DPP6: variants seen among roughly 807,000 people sequenced by gnomAD.
The protein encoded by DPP6 is dipeptidyl peptidase like 6, also known as A-type potassium channel modulatory protein DPP6.
DPP6 carries 69 observed loss-of-function variants against 122.6 expected under a neutral mutation model. The ratio of observed to expected loss-of-function variants is 0.56; its 90% confidence interval spans 0.46 to 0.69. DPP6 has a LOEUF of 0.69. Ranked by LOEUF, DPP6 falls within the 30% of genes least tolerant of loss-of-function variation. The probability of loss-of-function intolerance (pLI) is 0.00; values close to 1 mark genes in which losing one functional copy is unlikely to be tolerated. For synonymous variants in DPP6, 418 were observed against 433.1 expected (o/e 0.97, Z 0.43); for missense variants, 928 against 1,116.9 (o/e 0.83, Z 2.41).
Position 154,187,452 on chromosome 7 carries a change from G to A in DPP6, c.243+134389G>A, listed in dbSNP as rs147598818. Among the ~76,000 whole-genome samples, 21 of 152,238 alleles carry A rather than the reference G, an allele frequency of 1.4e-4. No individual in the cohort carries two copies. The East Asian group carries it at 3.7e-3, about 27-fold the overall frequency. The stretch of plus-strand genomic sequence containing the variant: ...AGAAAAATCTGTAAATCTGGTTATT[G>A]GATACTGTATAAAGCCATTTAATTC... On this transcript the variant is annotated intron_variant, in intron 1 of 25. Transcript: ENST00000377770.
At chr7:154,090,924 T>G (rs1016052684) in intron 1 of DPP6, among the ~76,000 whole-genome samples, 1 of 148,664 alleles carries the variant, frequency 6.7e-6, no homozygotes, top group Non-Finnish European at 1.5e-5. Flanking sequence ...ATCGAGACCA[T>G]CCTGGCTAAC....
At chr7:154,295,700 A>G (rs1392264317) in intron 1 of DPP6, among the ~76,000 whole-genome samples, 1 of 151,878 alleles carries the variant, frequency 6.6e-6, no homozygotes, top group Admixed American at 6.6e-5. Context: ...ACATGATATT[A>G]TGTTTGATGG....
intron 1 of DPP6, among the ~76,000 whole-genome samples, chr7:154,133,824 C>T (rs1276026333): frequency 2.0e-5 from 3 of 148,780 alleles, no homozygotes; most frequent in African/African-American, 5.0e-5. Context: ...AAAGACTTGG[C>T]GTCATCCCAG....
At chr7:154,302,830 A>G (rs1307608238) in intron 1 of DPP6, among the ~76,000 whole-genome samples, 1 of 152,158 alleles carries the variant, frequency 6.6e-6, no homozygotes, top group East Asian at 1.9e-4. Context: ...GAATCATTGA[A>G]GGAGACCTGT....
At chr7:154,879,023 C>T (rs1186269896) in intron 20 of DPP6, among the ~76,000 whole-genome samples, 1 of 152,216 alleles carries the variant, frequency 6.6e-6, no homozygotes, top group Non-Finnish European at 1.5e-5. Context: ...CCCTGTTTGC[C>T]AGACGCCAGG....
intron 8 of DPP6, among the ~76,000 whole-genome samples, chr7:154,754,220 A>G (rs117870691): frequency 0.015 from 2,211 of 152,372 alleles, 26 homozygotes; most frequent in Non-Finnish European, 0.023. Context: ...GCAGCGCATC[A>G]TAAAAGGAAA....
chr7:153,968,315 C>T (rs1000976960), intron 1 of DPP6, among the ~76,000 whole-genome samples: 26 of 151,838 alleles, frequency 1.7e-4, no homozygotes, highest in Non-Finnish European at 1.5e-4. Context: ...GAGTGATGTT[C>T]AGCATTTTTT....
At chr7:154,534,166 G>A (rs75242810) in intron 3 of DPP6, among the ~76,000 whole-genome samples, 4,973 of 151,980 alleles carry the variant, frequency 0.033, 275 homozygotes, top group African/African-American at 0.11. Context: ...CTGCACAAAA[G>A]GCATTTTATA....
intron 1 of DPP6, among the ~76,000 whole-genome samples, chr7:154,285,465 G>A (rs1056583077): frequency 1.3e-5 from 2 of 152,076 alleles, no homozygotes; most frequent in Admixed American, 1.3e-4. Context: ...GGGTTTCACC[G>A]TGTTGGCCAG....
chr7:154,089,149 A>G (rs1585350522), intron 1 of DPP6, among the ~76,000 whole-genome samples: 1 of 152,252 alleles, frequency 6.6e-6, no homozygotes, highest in African/African-American at 2.4e-5. Context: ...AGTGACTCAC[A>G]ACAGCATAAC....
At chr7:154,345,815 C>T (rs906207123) in intron 1 of DPP6, among the ~76,000 whole-genome samples, 1 of 152,208 alleles carries the variant, frequency 6.6e-6, no homozygotes, top group Admixed American at 6.5e-5. Flanking sequence ...TTGCTTCCTT[C>T]TCCTGATGTT....
rs145911816 is a variant in DPP6 at position 154,188,532 on chromosome 7, A to G, written c.243+135469A>G. Among the ~76,000 whole-genome samples the G allele has an allele frequency of 1.1e-3, 169 of 152,294 alleles. 1 individual carries two copies. The highest frequency in any genetic ancestry group is 4.0e-3 in the African/African-American group (166 of 41,574). ...TCTCTAAGTCTGATATTGCTTAGCT[A>G]TGCAGTTTTCTAGTCTCAGAAACTT... On this transcript the variant is annotated intron_variant, in intron 1 of 25. Coordinates refer to ENST00000377770, the MANE Select transcript of DPP6 (RefSeq NM_130797.4).
At position 154,653,749 on chromosome 7, in the gene DPP6, T is replaced by C. The variant is rs1263695541; in HGVS notation, c.681-15611T>C. Among the ~76,000 whole-genome samples, 6 of 152,304 alleles carry C rather than the reference T, an allele frequency of 3.9e-5. No individual in the cohort carries two copies. The South Asian group carries it at 1.2e-3, about 32-fold the overall frequency. On this transcript the variant is annotated intron_variant, in intron 6 of 25. Coordinates refer to ENST00000377770, the MANE Select transcript of DPP6 (RefSeq NM_130797.4). ...CCACCTCCAAATTATGCTTTAGCATTTACTGAACCCCCCAAACTCATTTCT... is the reference window on the plus strand; with the variant it reads ...CCACCTCCAAATTATGCTTTAGCATCTACTGAACCCCCCAAACTCATTTCT...
upstream of DPP6, among the ~76,000 whole-genome samples, chr7:153,886,661 C>T (rs1323739721): frequency 6.6e-6 from 1 of 152,200 alleles, no homozygotes; most frequent in Non-Finnish European, 1.5e-5. Context: ...CCTCTGCGCC[C>T]TGGAATTGCC....
chr7:154,359,199 G>C (rs114497958), intron 1 of DPP6, among the ~76,000 whole-genome samples: 1 of 152,180 alleles, frequency 6.6e-6, no homozygotes, highest in African/African-American at 2.4e-5. Context: ...AGCCCCCTGC[G>C]TGCTGGGTGT....
intron 1 of DPP6, among the ~76,000 whole-genome samples, chr7:154,322,100 C>T (rs969431113): frequency 1.3e-5 from 2 of 151,434 alleles, no homozygotes; most frequent in Admixed American, 1.3e-4. Flanking sequence ...CCTCACCCTC[C>T]CCCACCTCCT....
intron 5 of DPP6, among the ~76,000 whole-genome samples, chr7:154,569,436 T>C (rs1016742692): frequency 2.6e-5 from 4 of 152,044 alleles, no homozygotes; most frequent in African/African-American, 9.7e-5. Context: ...GTTCCTGATA[T>C]TCTCATGTTG....
intron 5 of DPP6, among the ~76,000 whole-genome samples, chr7:154,622,925 T>C (rs1834790096): frequency 6.6e-6 from 1 of 152,234 alleles, no homozygotes; most frequent in Non-Finnish European, 1.5e-5. Context: ...AGGGACTTGG[T>C]GGATTAAGCT....
intron 1 of DPP6, among the ~76,000 whole-genome samples, chr7:154,360,496 C>T (rs906936728): frequency 6.6e-6 from 1 of 152,200 alleles, no homozygotes; most frequent in Non-Finnish European, 1.5e-5. Flanking sequence ...GACATGAAAA[C>T]TTTCTTAGAA....
Sources: gnomAD v4.1 joint callset for allele counts (sites outside exome capture counted in the v4.1 genomes callset) on GRCh38, gnomAD v4.1.1 for gene constraint, MANE v1.5 for transcripts, NCBI Gene and HGNC (gene_info 2026-07-23, HGNC 2026-07-21) for gene names.